RABGAP1L: variants seen among roughly 807,000 people sequenced by gnomAD.
RABGAP1L encodes RAB GTPase activating protein 1 like, also known as rab GTPase-activating protein 1-like.
A neutral mutation model predicts 137.7 loss-of-function variants in RABGAP1L; 63 were observed. The observed-to-expected ratio is 0.46, with a 90% CI of 0.37 to 0.56. RABGAP1L has a LOEUF of 0.56. Ranked by LOEUF, RABGAP1L falls within the 20% of genes least tolerant of loss-of-function variation. The pLI is 0.00. For synonymous variants in RABGAP1L, 431 were observed against 433.7 expected, an observed-to-expected ratio of 0.99 and a Z score of 0.08; for missense variants, 1,095 against 1,244.0, an observed-to-expected ratio of 0.88 and a Z score of 1.80.
chr1:174,931,996 T>G (rs1251137774), intron 19 of RABGAP1L, among the ~76,000 whole-genome samples: 30 of 141,488 alleles, frequency 2.1e-4, no homozygotes, highest in Admixed American at 3.5e-4. Flanking sequence ...TTTGGTTTTT[T>G]TTTTTTTTTT....
chr1:174,350,209 CCGGA>C (rs1338546749), intron 11 of RABGAP1L, among the ~76,000 whole-genome samples: 1 of 141,120 alleles, frequency 7.1e-6, no homozygotes, highest in Admixed American at 6.8e-5. Flanking sequence ...CACCTCCCTC[CCGGA>C]CGGGGTGGCT....
Position 174,828,723 on chromosome 1 carries a change from C to T in RABGAP1L, c.2340+16763C>T, listed in dbSNP as rs574928995. On this transcript the variant is annotated intron_variant, in intron 19 of 25. Coordinates refer to ENST00000681986, the MANE Select transcript of RABGAP1L (RefSeq NM_001366446.1). ...TTGTAGCTATGTAGTCAAGCAAACTCCTATTTACCCTTTAGGTTGCAGGTC... is the reference window on the plus strand; with the variant it reads ...TTGTAGCTATGTAGTCAAGCAAACTTCTATTTACCCTTTAGGTTGCAGGTC... Among the ~76,000 whole-genome samples the T allele has an allele frequency of 5.0e-4, 74 of 148,378 alleles. 7 individuals carry two copies. The highest frequency in any genetic ancestry group is 1.7e-3 in the African/African-American group (69 of 40,738).
chr1:174,548,356 C>T, intron 13 of RABGAP1L: 1 of 1,077,362 alleles, frequency 9.3e-7, no homozygotes, highest in Non-Finnish European at 1.1e-6. Context: ...CTCTATTACC[C>T]TTACTTTAAA....
chr1:174,721,980 G>T (rs912555070), intron 17 of RABGAP1L, among the ~76,000 whole-genome samples: 8 of 152,146 alleles, frequency 5.3e-5, no homozygotes, highest in Admixed American at 4.6e-4. Context: ...TGTCCAGGCT[G>T]GAGTGCAATG....
chr1:174,644,409 A>T (rs1360302897), intron 14 of RABGAP1L, among the ~76,000 whole-genome samples: 1 of 152,072 alleles, frequency 6.6e-6, no homozygotes, highest in Non-Finnish European at 1.5e-5. Context: ...GATTTTGAGG[A>T]TGATAAAAAT....
chr1:174,264,464 C>G (rs1489433921), intron 7 of RABGAP1L, among the ~76,000 whole-genome samples: 2 of 152,068 alleles, frequency 1.3e-5, no homozygotes. Flanking sequence ...CTGGATGATT[C>G]CAAATGTTTT....
chr1:174,769,152 G>A (rs534837288), intron 18 of RABGAP1L, among the ~76,000 whole-genome samples: 1 of 152,264 alleles, frequency 6.6e-6, no homozygotes, highest in South Asian at 2.1e-4. Context: ...GCAGGTGATG[G>A]AATTATTACT....
intron 19 of RABGAP1L, among the ~76,000 whole-genome samples, chr1:174,926,103 A>G (rs1264156464): frequency 6.6e-6 from 1 of 151,856 alleles, no homozygotes; most frequent in East Asian, 1.9e-4. Flanking sequence ...ACCTATTTGT[A>G]ATAATACTGC....
At chr1:174,790,303 C>G (rs1323378571) in intron 18 of RABGAP1L, among the ~76,000 whole-genome samples, 1 of 152,008 alleles carries the variant, frequency 6.6e-6, no homozygotes, top group Admixed American at 6.6e-5. Context: ...TTTTTTACTG[C>G]CCTTCATTAG....
intron 21 of RABGAP1L, among the ~76,000 whole-genome samples, chr1:174,975,765 C>G (rs920456955): frequency 5.3e-5 from 8 of 152,168 alleles, no homozygotes; most frequent in African/African-American, 1.9e-4. Context: ...TGATGTTATT[C>G]AAATCTGAAT....
rs1689909215 is a variant in RABGAP1L, at chr1:174,811,967, A to C, written c.2340+7A>C. On this transcript the variant is annotated splice_region_variant and intron_variant, in intron 19 of 25. Coordinates refer to ENST00000681986, the MANE Select transcript of RABGAP1L (RefSeq NM_001366446.1). ...GCAGGCTTGCAATATTAAAGTAAGA[A>C]CATGAGTTTTTATATAATAAAGGTA... 5 of 1,580,006 alleles carry C rather than the reference A, an allele frequency of 3.2e-6. No individual in the cohort carries two copies. The highest frequency in any genetic ancestry group is 4.3e-6 in the Non-Finnish European group (5 of 1,166,826).
chr1:174,448,716 A>G lies in RABGAP1L; in HGVS notation c.1710+54571A>G. Reference sequence around the variant, plus strand: ...GCCACGTCTTGGCTCACCAGTGCCTATTTTACTGGCTTTATTGTTTGTTTA... The same window carrying G: ...GCCACGTCTTGGCTCACCAGTGCCTGTTTTACTGGCTTTATTGTTTGTTTA... On this transcript the variant is annotated intron_variant, in intron 13 of 25. Transcript: ENST00000681986. The surrounding 1 kb of genome is among the most constrained non-coding windows in gnomAD (Gnocchi z 4.2). The G allele has an allele frequency of 6.2e-7, 1 of 1,613,746 alleles. No individual in the cohort carries two copies. The highest frequency in any genetic ancestry group is 8.5e-7 in the Non-Finnish European group (1 of 1,179,830).
intron 19 of RABGAP1L, among the ~76,000 whole-genome samples, chr1:174,937,171 G>T (rs967437544): frequency 2.6e-5 from 4 of 151,698 alleles, no homozygotes; most frequent in South Asian, 2.1e-4. Context: ...TAGAGATAGG[G>T]TTTCACCGTG....
intron 13 of RABGAP1L, among the ~76,000 whole-genome samples, chr1:174,451,740 C>A (rs1321129705): frequency 1.3e-5 from 2 of 151,902 alleles, no homozygotes; most frequent in Non-Finnish European, 2.9e-5. Context: ...TGCTTGAGTT[C>A]TTTTCTTGTC....
At chr1:174,832,271 C>T (rs1312858968) in intron 19 of RABGAP1L, among the ~76,000 whole-genome samples, 1 of 139,704 alleles carries the variant, frequency 7.2e-6, no homozygotes, top group Non-Finnish European at 1.6e-5. Context: ...CCAGCCTGGG[C>T]GATAGAGCAA....
intron 13 of RABGAP1L, among the ~76,000 whole-genome samples, chr1:174,484,897 T>C (rs947831466): frequency 6.6e-6 from 1 of 152,220 alleles, no homozygotes; most frequent in African/African-American, 2.4e-5. Flanking sequence ...AGAATATCTT[T>C]GGTATTTTGA....
intron 19 of RABGAP1L, among the ~76,000 whole-genome samples, chr1:174,953,035 C>CAAAAAA (rs34788853): frequency 3.1e-5 from 3 of 97,340 alleles, no homozygotes; most frequent in Non-Finnish European, 4.3e-5. Flanking sequence ...GGGTGGCATG[C>CAAAAAA]AAAAAAAAAA....
intron 23 of RABGAP1L, among the ~76,000 whole-genome samples, chr1:174,982,073 T>C (rs964106099): frequency 6.6e-6 from 1 of 152,248 alleles, no homozygotes; most frequent in African/African-American, 2.4e-5. Context: ...TTGCCAAACC[T>C]ACTTAATAAG....
At chr1:174,443,379 G>A (rs904877103) in intron 13 of RABGAP1L, among the ~76,000 whole-genome samples, 4 of 151,856 alleles carry the variant, frequency 2.6e-5, no homozygotes, top group Non-Finnish European at 5.9e-5. Flanking sequence ...CCTCACCAGC[G>A]TTTGTTACTT....
Sources: gnomAD v4.1 joint callset for allele counts (sites outside exome capture counted in the v4.1 genomes callset) on GRCh38, gnomAD v4.1.1 for gene constraint, Gnocchi (gnomAD v3.1) non-coding constraint, MANE v1.5 for transcripts, NCBI Gene and HGNC (gene_info 2026-07-23, HGNC 2026-07-21) for gene names.